The following RAD51B variants were observed in gnomAD, a reference collection of about 807,000 sequenced individuals.
RAD51B encodes RAD51 paralog B.
A neutral mutation model predicts 42.2 loss-of-function variants in RAD51B; 38 were observed. That is an observed-to-expected ratio of 0.90 (90% CI 0.70 to 1.18). The LOEUF is 1.18. Among genes scored for constraint, RAD51B ranks in the 50% most tolerant of loss-of-function variants. The probability of loss-of-function intolerance (pLI) is 0.00; values close to 1 mark genes in which losing one functional copy is unlikely to be tolerated. For missense variants in RAD51B, 373 were observed against 400.7 expected, an observed-to-expected ratio of 0.93 and a Z score of 0.59; for synonymous variants, 154 against 145.2, an observed-to-expected ratio of 1.06 and a Z score of -0.43.
At chr14:68,422,088 G>A (rs1027072382) in intron 9 of RAD51B, 26 of 1,505,510 alleles carry the variant, frequency 1.7e-5, no homozygotes, top group African/African-American at 8.3e-5. Flanking sequence ...CTCGGAGCAC[G>A]AAAATTTTCT....
chr14:67,830,332 A>C (rs1399273286), intron 3 of RAD51B, among the ~76,000 whole-genome samples: 1 of 152,240 alleles, frequency 6.6e-6, no homozygotes, highest in Admixed American at 6.5e-5. Context: ...CCAAACAAAA[A>C]GTGATGGTGA....
intron 8 of RAD51B, among the ~76,000 whole-genome samples, chr14:68,310,953 A>G (rs1161403107): frequency 6.6e-6 from 1 of 151,890 alleles, no homozygotes; most frequent in Non-Finnish European, 1.5e-5. Context: ...CATTTTCCCA[A>G]CCCCACACAC....
At chr14:67,885,731 G>A (rs2043040960) in intron 5 of RAD51B, 138 bp from the exon 6 acceptor site, 1 of 1,107,052 alleles carries the variant, frequency 9.0e-7, no homozygotes, top group East Asian at 2.8e-5. Context: ...TTCTAAATCT[G>A]TATATTAAGC....
intron 3 of RAD51B, among the ~76,000 whole-genome samples, chr14:67,833,547 A>G (rs146625924): frequency 3.3e-5 from 5 of 152,328 alleles, no homozygotes; most frequent in East Asian, 1.9e-4. Flanking sequence ...GATAACTGAG[A>G]TGATAACTGA....
intron 7 of RAD51B, among the ~76,000 whole-genome samples, chr14:68,060,370 T>TTA (rs1292134710): frequency 6.6e-6 from 1 of 152,188 alleles, no homozygotes; most frequent in African/African-American, 2.4e-5. Context: ...AAAGATAGAT[T>TTA]GCTAGTTATA....
Position 68,347,462 on chromosome 14 carries a change from G to A in RAD51B, c.853+55482G>A, listed in dbSNP as rs909129807. Among the ~76,000 whole-genome samples, 7 of 152,124 alleles carry A rather than the reference G, an allele frequency of 4.6e-5. No homozygotes were observed. The South Asian group carries it at 8.3e-4, about 18-fold the overall frequency. On this transcript the variant is annotated intron_variant, in intron 8 of 10. Coordinates refer to ENST00000471583, the MANE Select transcript of RAD51B (RefSeq NM_133510.4). ...ATTGGGAGGCCAAGGCAGAAGGATC[G>A]CTTAAGCCCAGGAGTTTGAGACCAG...
intron 8 of RAD51B, among the ~76,000 whole-genome samples, chr14:68,393,178 G>C (rs1956538): frequency 0.86 from 131,573 of 152,266 alleles, 57,234 homozygotes; most frequent in East Asian, 0.97. Context: ...TAGCTGGAAG[G>C]ACTTATCAAT....
At chr14:67,874,858 C>T (rs1483937669) in intron 5 of RAD51B, among the ~76,000 whole-genome samples, 1 of 151,772 alleles carries the variant, frequency 6.6e-6, no homozygotes, top group Non-Finnish European at 1.5e-5. Context: ...AATATATTGT[C>T]CGTATTAGAG....
chr14:67,883,417 T>TA (rs1312035731), intron 5 of RAD51B, among the ~76,000 whole-genome samples: 1 of 152,124 alleles, frequency 6.6e-6, no homozygotes, highest in Non-Finnish European at 1.5e-5. Context: ...TTCTCCCTCT[T>TA]ACTCTCTGTG....
chr14:68,139,089 G>T (rs552685956), intron 7 of RAD51B, among the ~76,000 whole-genome samples: 134 of 152,206 alleles, frequency 8.8e-4, no homozygotes, highest in Non-Finnish European at 1.7e-3. Flanking sequence ...GAAACCGCAT[G>T]AATTTATCCT....
chr14:68,048,504 G>C (rs1354236081), intron 7 of RAD51B, among the ~76,000 whole-genome samples: 1 of 152,138 alleles, frequency 6.6e-6, no homozygotes, highest in East Asian at 1.9e-4. Context: ...TTTTAGACAT[G>C]AAGTCCTTGC....
At chr14:68,170,926 G>C (rs2140855912) in intron 7 of RAD51B, among the ~76,000 whole-genome samples, 1 of 152,296 alleles carries the variant, frequency 6.6e-6, no homozygotes, top group South Asian at 2.1e-4. Context: ...TTTAGACCAG[G>C]GTTTCCAGAA....
intron 8 of RAD51B, among the ~76,000 whole-genome samples, chr14:68,368,215 T>A (rs1013992248): frequency 6.6e-6 from 1 of 152,218 alleles, no homozygotes; most frequent in African/African-American, 2.4e-5. Flanking sequence ...AATTTTTATA[T>A]TAACAGAAAC....
chr14:68,228,513 G>A (rs949816129), intron 7 of RAD51B, among the ~76,000 whole-genome samples: 1 of 152,052 alleles, frequency 6.6e-6, no homozygotes, highest in Non-Finnish European at 1.5e-5. Flanking sequence ...GAAAAACTGA[G>A]AGATGTCATT....
At position 68,565,886 on chromosome 14, in the gene RAD51B, G is replaced by A. The variant is rs1013785642; in HGVS notation, c.1037-28599G>A. ...GTATCTGGATCTTTTCCCTGGAGGT[G>A]TCTGGCCACTCTCATCCCCGCCGGG... On this transcript the variant is annotated intron_variant, in intron 10 of 10. Coordinates refer to the RAD51B transcript ENST00000487270. This position sits in a 1 kb window ranked among gnomAD's most constrained non-coding sequence, Gnocchi z 4.1. 3.3e-5 allele frequency among the ~76,000 whole-genome samples: 5 copies of A among 152,178 alleles called. No homozygotes were observed. The highest frequency in any genetic ancestry group is 3.3e-4 in the Admixed American group (5 of 15,290).
At chr14:68,532,677 T>C (rs985437266) in intron 10 of RAD51B, among the ~76,000 whole-genome samples, 1 of 152,168 alleles carries the variant, frequency 6.6e-6, no homozygotes, top group African/African-American at 2.4e-5. Context: ...CTAACCCTTA[T>C]GTTACACAAA....
intron 7 of RAD51B, among the ~76,000 whole-genome samples, chr14:68,288,345 A>G (rs2081452763): frequency 6.6e-6 from 1 of 152,232 alleles, no homozygotes; most frequent in East Asian, 1.9e-4. Flanking sequence ...CAAAGCCCTG[A>G]GTTTGGTTGC....
chr14:68,583,294 T>C (rs1239431783), intron 10 of RAD51B, among the ~76,000 whole-genome samples: 1 of 152,124 alleles, frequency 6.6e-6, no homozygotes, highest in Non-Finnish European at 1.5e-5. Flanking sequence ...GGGGTGACAC[T>C]CTTTGGAGAC....
At chr14:68,673,722 A>G (rs957183321) in intron 11 of RAD51B, among the ~76,000 whole-genome samples, 1 of 152,034 alleles carries the variant, frequency 6.6e-6, no homozygotes, top group African/African-American at 2.4e-5. Flanking sequence ...ACACATCTAT[A>G]CATGCACACG....
Sources: gnomAD v4.1 joint callset for allele counts (sites outside exome capture counted in the v4.1 genomes callset) on GRCh38, gnomAD v4.1.1 for gene constraint, Gnocchi (gnomAD v3.1) non-coding constraint, MANE v1.5 for transcripts, NCBI Gene and HGNC (gene_info 2026-07-23, HGNC 2026-07-21) for gene names.